Variants in EIF4ENIF1 observed in about 807,000 individuals in gnomAD.
EIF4ENIF1 encodes the protein eukaryotic translation initiation factor 4E nuclear import factor 1, also known as eukaryotic translation initiation factor 4E transporter.
A neutral mutation model predicts 110.5 loss-of-function variants in EIF4ENIF1; 23 were observed. The observed-to-expected ratio is 0.21, with a 90% confidence interval of 0.15 to 0.29. The LOEUF is 0.29. EIF4ENIF1 is among the 10% of genes least tolerant of loss of function. The pLI is 1.00. For missense variants in EIF4ENIF1, 1,031 were observed against 1,221.1 expected (o/e 0.84, Z 2.32); for synonymous variants, 440 against 437.0 (o/e 1.01, Z -0.09).
intron 2 of EIF4ENIF1, 65 bp downstream of exon 2, chr22:31,488,558 G>A (rs2052131611): frequency 7.5e-6 from 12 of 1,599,014 alleles, no homozygotes; most frequent in South Asian, 6.7e-5. Flanking sequence ...GAATGAAATA[G>A]TTATACAATG....
At chr22:31,456,258 C>G in intron 7 of EIF4ENIF1, among the ~76,000 whole-genome samples, 1 of 141,746 alleles carries the variant, frequency 7.1e-6, no homozygotes, top group Non-Finnish European at 1.5e-5. Context: ...GAGTCTCGCT[C>G]TGTCACCCAG....
chr22:31,466,896 G>A (rs1365591828), intron 4 of EIF4ENIF1, among the ~76,000 whole-genome samples: 1 of 152,142 alleles, frequency 6.6e-6, no homozygotes, highest in Admixed American at 6.5e-5. Flanking sequence ...GTCCATGTGA[G>A]AAAAATCTGC....
At chr22:31,447,761 T>C (rs2050521008) in intron 13 of EIF4ENIF1, among the ~76,000 whole-genome samples, 196 bp from the exon 14 acceptor site, 1 of 152,232 alleles carries the variant, frequency 6.6e-6, no homozygotes, top group Non-Finnish European at 1.5e-5. Context: ...TTCAGCAAAT[T>C]GTCTAACCTT....
chr22:31,447,694 T>A, intron 13 of EIF4ENIF1, 129 bp from the exon 14 acceptor site: 1 of 967,912 alleles, frequency 1.0e-6, no homozygotes, highest in Non-Finnish European at 1.5e-6. Flanking sequence ...CGAAACTGAC[T>A]AGATTGTGCT....
Position 31,458,628 on chromosome 22 carries a change from T to C in EIF4ENIF1, c.810A>G (p.Gly270=). The change falls in exon 7 of 19, where the codon GGA becomes GGG. Residue 270 remains glycine, a synonymous_variant. Coordinates refer to ENST00000330125, the MANE Select transcript of EIF4ENIF1 (RefSeq NM_019843.4). The part of the protein sequence containing the change: ...VKEGIVECNG[G]VAEEDEVEVI... ...CCTCCACTTCATCCTCTTCGGCCACTCCTCCATTGCACTCTACTATACCTG... is the reference window on the plus strand; with the variant it reads ...CCTCCACTTCATCCTCTTCGGCCACCCCTCCATTGCACTCTACTATACCTG... The C allele has an allele frequency of 6.2e-7, 1 of 1,607,648 alleles. No homozygotes were observed. Among genetic ancestry groups the C allele is most frequent in the Non-Finnish European group, 8.5e-7 (1 of 1,177,172 alleles).
intron 2 of EIF4ENIF1, among the ~76,000 whole-genome samples, chr22:31,481,856 T>C (rs1034484957): frequency 6.6e-6 from 1 of 152,166 alleles, no homozygotes; most frequent in Non-Finnish European, 1.5e-5. Flanking sequence ...TGCCACTTTG[T>C]AACTAGTCAA....
chr22:31,462,510 A>T (rs2051030253), intron 6 of EIF4ENIF1, among the ~76,000 whole-genome samples: 1 of 151,946 alleles, frequency 6.6e-6, no homozygotes, highest in Admixed American at 6.6e-5. Context: ...TTTCAAAATC[A>T]GGATGCATCA....
intron 2 of EIF4ENIF1, among the ~76,000 whole-genome samples, chr22:31,477,073 TA>T (rs1335076114): frequency 1.3e-5 from 2 of 150,270 alleles, no homozygotes; most frequent in Non-Finnish European, 3.0e-5. Context: ...CAATGAGCTG[TA>T]ATTGTACCAC....
intron 3 of EIF4ENIF1, among the ~76,000 whole-genome samples, chr22:31,471,241 G>T (rs1204581885): frequency 6.6e-6 from 1 of 151,512 alleles, no homozygotes; most frequent in Non-Finnish European, 1.5e-5. Context: ...CATACCTGAG[G>T]CAGGTACCCT....
intron 2 of EIF4ENIF1, among the ~76,000 whole-genome samples, chr22:31,483,703 C>A (rs1211281542): frequency 1.3e-5 from 2 of 152,080 alleles, no homozygotes; most frequent in Admixed American, 6.6e-5. Context: ...ACTTTGAGAA[C>A]CACTGTCTAA....
At chr22:31,442,707 AAACT>A (rs1372702997) in intron 16 of EIF4ENIF1, among the ~76,000 whole-genome samples, 4 of 152,244 alleles carry the variant, frequency 2.6e-5, no homozygotes, top group Non-Finnish European at 5.9e-5. Context: ...TAAGGATTCT[AAACT>A]AACACTCATT....
chr22:31,463,945 T>A lies in EIF4ENIF1; in HGVS notation c.321A>T (p.Glu107Asp). ...RIVDPRERVK[E>D]DDLDVVLSPQ... ...GGCTGAGAACAACATCTAAGTCATC[T>A]TCTTTCACACGCTCTCGTGGATCTG... Residue 107 changes from glutamate to aspartate, a missense_variant, in exon 5 of 19, where the codon GAA (glutamate) becomes GAT (aspartate). Around this residue, in one of 3 missense-constraint regions of EIF4ENIF1, gnomAD observed 704 missense variants for 879.7 expected, o/e 0.80. Coordinates refer to ENST00000330125, the MANE Select transcript of EIF4ENIF1 (RefSeq NM_019843.4). 1.2e-6 allele frequency: 2 copies of A among 1,613,454 alleles called. No individual in the cohort carries two copies. Among genetic ancestry groups the A allele is most frequent in the East Asian group, 2.2e-5 (1 of 44,872 alleles).
chr22:31,455,403 T>C (rs1211102574), intron 8 of EIF4ENIF1, 88 bp from the exon 9 acceptor site: 6 of 1,186,440 alleles, frequency 5.1e-6, no homozygotes, highest in African/African-American at 1.6e-5. Context: ...TTCTTTTTTT[T>C]TTTTTTTTTC....
Position 31,447,568 on chromosome 22 carries a change from G to T in EIF4ENIF1, c.1849-3C>A, listed in dbSNP as rs1484843403. 3 of 1,599,986 alleles carry T rather than the reference G, an allele frequency of 1.9e-6. No homozygotes were observed. The highest frequency in any genetic ancestry group is 1.3e-5 in the African/African-American group (1 of 74,500). ...TGTTGCAACTCCAGCTGGCTCATCT[G>T]CTGAAAAGGAGAGGGGAGGGTCAGG... On this transcript the variant is annotated splice_region_variant and splice_polypyrimidine_tract_variant and intron_variant, in intron 13 of 18. Coordinates refer to ENST00000330125, the MANE Select transcript of EIF4ENIF1 (RefSeq NM_019843.4).
chr22:31,492,112 A>G (rs1317613091), upstream of EIF4ENIF1, among the ~76,000 whole-genome samples: 1 of 152,138 alleles, frequency 6.6e-6, no homozygotes, highest in Non-Finnish European at 1.5e-5. Context: ...CTGTCCCTGG[A>G]ACACTTACAC....
At chr22:31,477,751 G>A (rs1367810433) in intron 2 of EIF4ENIF1, among the ~76,000 whole-genome samples, 1 of 151,744 alleles carries the variant, frequency 6.6e-6, no homozygotes, top group Non-Finnish European at 1.5e-5. Flanking sequence ...TGTCCATAGA[G>A]GATAAAGAGC....
At chr22:31,492,193 C>T (rs908365950), upstream of EIF4ENIF1, among the ~76,000 whole-genome samples, 2 of 152,122 alleles carry the variant, frequency 1.3e-5, no homozygotes, top group East Asian at 1.9e-4. Context: ...GTTCAGAGAG[C>T]GAACAAGAAA....
chr22:31,482,624 G>T (rs1330414766), intron 2 of EIF4ENIF1, among the ~76,000 whole-genome samples: 3 of 151,740 alleles, frequency 2.0e-5, no homozygotes, highest in African/African-American at 7.3e-5. Context: ...AGAGGTTGCA[G>T]TGAGCCAAGA....
At chr22:31,489,883 C>G (rs2052200263), upstream of EIF4ENIF1, 1 of 152,306 alleles carries the variant, frequency 6.6e-6, no homozygotes, top group Admixed American at 6.6e-5. Context: ...CCCCCTCCCC[C>G]TTAATAACTC....
Sources: gnomAD v4.1 joint callset for allele counts (sites outside exome capture counted in the v4.1 genomes callset) on GRCh38, gnomAD v4.1.1 for gene constraint, gnomAD v4.1.1 regional missense constraint, MANE v1.5 for transcripts, NCBI Gene and HGNC (gene_info 2026-07-23, HGNC 2026-07-21) for gene names.